The following JPH1 variants were observed in gnomAD, a reference collection of about 807,000 sequenced individuals.
JPH1 encodes junctophilin 1, also known as junctophilin-1.
Under a neutral mutation model 53.6 loss-of-function variants are expected in JPH1, and 12 were observed. That is an observed-to-expected ratio of 0.22 (90% CI 0.14 to 0.36). The LOEUF (loss-of-function observed/expected upper bound fraction) is 0.36, where lower values mean the gene tolerates loss of function less well. Ranked by LOEUF, JPH1 falls within the 10% of genes least tolerant of loss-of-function variation. JPH1 has a pLI of 1.00. For synonymous variants in JPH1, 375 were observed against 363.8 expected (o/e 1.03, Z -0.35); for missense variants, 808 against 905.5 (o/e 0.89, Z 1.38).
At chr8:74,274,182 C>T (rs1246724834) in intron 2 of JPH1, among the ~76,000 whole-genome samples, 1 of 152,182 alleles carries the variant, frequency 6.6e-6, no homozygotes, top group East Asian at 1.9e-4. Context: ...TCCCACTCCC[C>T]GCTTCCTAGG....
At chr8:74,309,597 T>G (rs1006080145) in intron 2 of JPH1, among the ~76,000 whole-genome samples, 1 of 152,208 alleles carries the variant, frequency 6.6e-6, no homozygotes, top group Non-Finnish European at 1.5e-5. Context: ...CTTTAAATAT[T>G]TTTCTCAAGG....
intron 2 of JPH1, among the ~76,000 whole-genome samples, chr8:74,282,397 T>C (rs977688464): frequency 2.0e-5 from 3 of 152,212 alleles, no homozygotes; most frequent in Non-Finnish European, 4.4e-5. Context: ...ACAGAATGTA[T>C]TCCATACCCT....
chr8:74,318,480 A>G (rs941995767), intron 1 of JPH1, among the ~76,000 whole-genome samples: 6 of 152,230 alleles, frequency 3.9e-5, no homozygotes, highest in African/African-American at 1.4e-4. Context: ...AACAAAGTAC[A>G]GATCAGAATT....
chr8:74,286,822 T>C (rs1356914961), intron 2 of JPH1, among the ~76,000 whole-genome samples: 1 of 152,240 alleles, frequency 6.6e-6, no homozygotes, highest in East Asian at 1.9e-4. Flanking sequence ...GTGTGTATGT[T>C]TGATCTTCCT....
chr8:74,260,931 G>A (rs1806379052), intron 2 of JPH1, among the ~76,000 whole-genome samples: 1 of 152,164 alleles, frequency 6.6e-6, no homozygotes. Context: ...ATCCCAAAGT[G>A]CAGAACGCTA....
chr8:74,236,748 G>A lies in JPH1; in HGVS notation c.*303C>T, dbSNP rs558801971. On this transcript the variant is annotated 3_prime_UTR_variant, in exon 6 of 6. Coordinates refer to ENST00000342232, the MANE Select transcript of JPH1 (RefSeq NM_020647.4). ...AGTAGCCAATGCCAAGAACTTCGCC[G>A]GATGGGGCTGCTTCAGCAGATTTTA... 38 of 152,948 alleles carry A rather than the reference G, an allele frequency of 2.5e-4. No homozygotes were observed. The highest frequency in any genetic ancestry group is 3.8e-4 in the Non-Finnish European group (26 of 68,558). The allele number at this position is 152,948 out of a possible 1,614,324, so 9.5% of individuals were successfully genotyped here. A position where few individuals can be genotyped will look rare whatever the true frequency, so the allele number is the denominator to read the frequency against.
intron 2 of JPH1, among the ~76,000 whole-genome samples, chr8:74,296,019 GACACACAC>G (rs59881666): frequency 7.3e-6 from 1 of 136,510 alleles, no homozygotes; most frequent in African/African-American, 2.8e-5. Context: ...TCTCAGTAAG[GACACACAC>G]ACACACACAC....
chr8:74,250,057 C>T (rs985118203), intron 3 of JPH1, among the ~76,000 whole-genome samples: 4 of 152,148 alleles, frequency 2.6e-5, no homozygotes, highest in African/African-American at 7.2e-5. Flanking sequence ...CCCCTGCCTC[C>T]ATCAATAAAT....
chr8:74,306,977 T>TGTAAATGCATATGCC (rs1554541767), intron 2 of JPH1, among the ~76,000 whole-genome samples: 4 of 151,826 alleles, frequency 2.6e-5, no homozygotes, highest in Non-Finnish European at 4.4e-5. Flanking sequence ...CATAACTTGA[T>TGTAAATGCATATGCC]ATTTCCTTGC....
At chr8:74,264,790 C>G (rs1806486171) in intron 2 of JPH1, among the ~76,000 whole-genome samples, 1 of 152,148 alleles carries the variant, frequency 6.6e-6, no homozygotes, top group Non-Finnish European at 1.5e-5. Flanking sequence ...GAAGAATGTT[C>G]ACATGCCTTT....
rs1198864068 is a variant in JPH1, at chr8:74,236,515, T to G, written c.*536A>C. 2.0e-5 allele frequency: 3 copies of G among 152,588 alleles called. No individual in the cohort carries two copies. The highest frequency in any genetic ancestry group is 2.9e-5 in the Non-Finnish European group (2 of 68,048). 9.5% of individuals were successfully genotyped at this position (152,588 alleles called of 1,614,324 possible). A position where few individuals can be genotyped will look rare whatever the true frequency, so the allele number is the denominator to read the frequency against. ...CTGGTGAGTGATGCTGCTACCTATT[T>G]CTTCTAATGAGATAGGAGTGAATGT... On this transcript the variant is annotated 3_prime_UTR_variant, in exon 6 of 6. Transcript: ENST00000342232.
At chr8:74,279,654 G>A (rs751048586) in intron 2 of JPH1, among the ~76,000 whole-genome samples, 4 of 152,116 alleles carry the variant, frequency 2.6e-5, no homozygotes, top group East Asian at 1.9e-4. Context: ...GAGAAATACC[G>A]CAATTCCAAT....
intron 2 of JPH1, among the ~76,000 whole-genome samples, chr8:74,288,506 T>C (rs1807233622): frequency 6.6e-6 from 1 of 151,966 alleles, no homozygotes; most frequent in African/African-American, 2.4e-5. Context: ...AGGATCACAG[T>C]CTATAAGTGG....
intron 2 of JPH1, among the ~76,000 whole-genome samples, chr8:74,310,276 T>C (rs1411356878): frequency 6.7e-6 from 1 of 148,802 alleles, no homozygotes; most frequent in African/African-American, 2.6e-5. Context: ...CTTCCACCTT[T>C]TGAACATTTC....
chr8:74,269,127 C>G (rs564784158), intron 2 of JPH1, among the ~76,000 whole-genome samples: 4 of 152,196 alleles, frequency 2.6e-5, no homozygotes, highest in African/African-American at 9.6e-5. Flanking sequence ...ATCTCAAATC[C>G]ACCAGTCTGC....
chr8:74,250,765 G>A (rs1806023083), intron 3 of JPH1, among the ~76,000 whole-genome samples: 1 of 152,168 alleles, frequency 6.6e-6, no homozygotes, highest in Non-Finnish European at 1.5e-5. Flanking sequence ...TGCTGGCATA[G>A]AAACCTGATT....
In JPH1 at chr8:74,315,640, A is replaced by G. The variant is rs765248225; in HGVS notation, c.380-20T>C. Reference sequence around the variant, plus strand: ...AGGTACCTTGGAGAGACCGCAAGAAAGCACCGTGAGTCGGGGGCAGAGCTG... The same window carrying G: ...AGGTACCTTGGAGAGACCGCAAGAAGGCACCGTGAGTCGGGGGCAGAGCTG... On this transcript the variant is annotated intron_variant, in intron 1 of 5. Coordinates refer to ENST00000342232, the MANE Select transcript of JPH1 (RefSeq NM_020647.4). This position sits in a 1 kb window ranked among gnomAD's most constrained non-coding sequence, Gnocchi z 6.3. The G allele has an allele frequency of 3.2e-6, 5 of 1,573,630 alleles. No homozygotes were observed. The African/African-American group carries it at 6.8e-5, about 21-fold the overall frequency.
chr8:74,277,379 T>C (rs558375574), intron 2 of JPH1, among the ~76,000 whole-genome samples: 1 of 152,352 alleles, frequency 6.6e-6, no homozygotes, highest in African/African-American at 2.4e-5. Context: ...ACAGCATACC[T>C]GCAATCCTTG....
chr8:74,296,539 C>T (rs1225191214), intron 2 of JPH1, among the ~76,000 whole-genome samples: 1 of 152,048 alleles, frequency 6.6e-6, no homozygotes, highest in African/African-American at 2.4e-5. Context: ...CATAGTGATG[C>T]AATGAATGGG....
Sources: allele counts gnomAD v4.1 joint callset (sites outside exome capture counted in the v4.1 genomes callset), GRCh38; gene constraint gnomAD v4.1.1; non-coding constraint Gnocchi (gnomAD v3.1); transcripts MANE v1.5; gene names NCBI Gene and HGNC (gene_info 2026-07-23, HGNC 2026-07-21).